The following RXFP1 variants were observed in gnomAD, a reference collection of about 807,000 sequenced individuals.
RXFP1 encodes relaxin family peptide receptor 1, also known as relaxin receptor 1.
In RXFP1, 73 loss-of-function variants were observed where a neutral mutation model predicts 89.8. That is an observed-to-expected ratio of 0.81 (90% confidence interval 0.67 to 0.99). The LOEUF (loss-of-function observed/expected upper bound fraction) is 0.99, where lower values mean the gene tolerates loss of function less well. RXFP1 is among the 50% of genes least tolerant of loss of function. The pLI, the probability that RXFP1 is intolerant of heterozygous loss-of-function variation, is 0.00. For missense variants in RXFP1, 793 were observed against 895.5 expected (o/e 0.89, Z 1.46); for synonymous variants, 277 against 305.5 (o/e 0.91, Z 0.97).
intron 14 of RXFP1, among the ~76,000 whole-genome samples, chr4:158,642,417 A>G (rs1054708523): frequency 5.3e-5 from 8 of 152,092 alleles, no homozygotes; most frequent in Non-Finnish European, 1.0e-4. Context: ...GTAACTTTGA[A>G]TTCTTTAATA....
At chr4:158,583,265 G>A (rs549924771) in intron 2 of RXFP1, among the ~76,000 whole-genome samples, 19 of 152,320 alleles carry the variant, frequency 1.2e-4, no homozygotes, top group African/African-American at 3.8e-4. Context: ...AATTGGTCCT[G>A]TGTTTAAAAT....
chr4:158,550,266 A>G (rs1159063350), intron 1 of RXFP1, among the ~76,000 whole-genome samples: 1 of 152,220 alleles, frequency 6.6e-6, no homozygotes, highest in African/African-American at 2.4e-5. Flanking sequence ...GTGGGATATA[A>G]TCTCCTGGTG....
In RXFP1 at chr4:158,625,044, C is replaced by T. The variant is rs570978550; in HGVS notation, c.756-1776C>T. Among the ~76,000 whole-genome samples, 21 of 149,660 alleles carry T rather than the reference C, an allele frequency of 1.4e-4. 1 individual carries two copies. Among genetic ancestry groups the T allele is most frequent in the Middle Eastern group, 3.4e-3 (1 of 294 alleles). On this transcript the variant is annotated intron_variant, in intron 9 of 17. Coordinates refer to ENST00000307765, the MANE Select transcript of RXFP1 (RefSeq NM_021634.4). ...GTAAGTAACTAAATAGGAACATCAA[C>T]TCACCTCATTAAGCGCATTTTGTGA...
At chr4:158,594,240 C>G (rs1314367313) in intron 3 of RXFP1, among the ~76,000 whole-genome samples, 2 of 152,172 alleles carry the variant, frequency 1.3e-5, no homozygotes, top group Non-Finnish European at 2.9e-5. Flanking sequence ...GAAACTTTCT[C>G]CCATGTATCT....
chr4:158,630,999 G>GTGTT (rs1481503214), intron 11 of RXFP1, among the ~76,000 whole-genome samples: 1 of 152,172 alleles, frequency 6.6e-6, no homozygotes, highest in Non-Finnish European at 1.5e-5. Context: ...AGTTTACAAG[G>GTGTT]TGTTTCCTGA....
At chr4:158,580,968 T>TTA (rs1369839044) in intron 2 of RXFP1, among the ~76,000 whole-genome samples, 2 of 152,220 alleles carry the variant, frequency 1.3e-5, no homozygotes, top group East Asian at 3.9e-4. Flanking sequence ...TGGCTAATTT[T>TTA]TAATAGAGAC....
At chr4:158,623,076 A>G (rs1765936034) in intron 9 of RXFP1, among the ~76,000 whole-genome samples, 1 of 152,216 alleles carries the variant, frequency 6.6e-6, no homozygotes, top group African/African-American at 2.4e-5. Context: ...AAACAACACA[A>G]TGACATTTTA....
At chr4:158,612,076 A>G in intron 6 of RXFP1, 54 bp from the exon 7 acceptor site, 1 of 1,385,702 alleles carries the variant, frequency 7.2e-7, no homozygotes, top group Non-Finnish European at 1.0e-6. Context: ...TACTTTTCTT[A>G]TTGTAAGACA....
At chr4:158,633,259 C>A in intron 11 of RXFP1, 146 bp from the exon 12 acceptor site, 1 of 556,000 alleles carries the variant, frequency 1.8e-6, no homozygotes, top group Non-Finnish European at 3.2e-6. Context: ...AACTTTGCTC[C>A]TTTTTTAAAT....
intron 2 of RXFP1, among the ~76,000 whole-genome samples, chr4:158,591,843 T>G (rs1759542842): frequency 6.6e-6 from 1 of 152,192 alleles, no homozygotes; most frequent in African/African-American, 2.4e-5. Context: ...AACTTCACTC[T>G]CTGTTCATAT....
At chr4:158,617,419 CA>C (rs201739625) in intron 9 of RXFP1, among the ~76,000 whole-genome samples, 1 of 142,978 alleles carries the variant, frequency 7.0e-6, no homozygotes, top group South Asian at 2.2e-4. Flanking sequence ...TAAAACATCT[CA>C]AAAAAAATAT....
rs558197373 is a variant in RXFP1 at position 158,594,354 on chromosome 4, T to C, written c.286+855T>C. Among the ~76,000 whole-genome samples the C allele has an allele frequency of 3.8e-4, 58 of 152,324 alleles. No homozygotes were observed. The Middle Eastern group carries it at 0.014, about 36-fold the overall frequency. On this transcript the variant is annotated intron_variant, in intron 3 of 17. Transcript: ENST00000307765. ...GCCGCGTCCTCAGCCCTACCCTCAT[T>C]ACTCTATGAGCTTACTCTGTGTTAT...
intron 1 of RXFP1, among the ~76,000 whole-genome samples, chr4:158,564,236 C>T (rs1040631888): frequency 8.5e-5 from 13 of 152,136 alleles, no homozygotes; most frequent in African/African-American, 2.2e-4. Context: ...ACCCCATATC[C>T]TGACAGTTCC....
chr4:158,645,846 A>G (rs1470901772), intron 15 of RXFP1, among the ~76,000 whole-genome samples: 2 of 152,122 alleles, frequency 1.3e-5, no homozygotes, highest in African/African-American at 4.8e-5. Flanking sequence ...ATCCTTATTC[A>G]AAGTCTAATG....
intron 6 of RXFP1, among the ~76,000 whole-genome samples, chr4:158,610,197 G>A (rs1353136376): frequency 5.9e-5 from 9 of 152,068 alleles, no homozygotes; most frequent in Non-Finnish European, 1.2e-4. Context: ...CCTGGGGGGC[G>A]GAGGTTGCAG....
At chr4:158,549,511 G>T in intron 1 of RXFP1, among the ~76,000 whole-genome samples, 1 of 152,160 alleles carries the variant, frequency 6.6e-6, no homozygotes, top group Non-Finnish European at 1.5e-5. Flanking sequence ...CGTTCCTTTG[G>T]AGGAGGAGAG....
intron 1 of RXFP1, among the ~76,000 whole-genome samples, chr4:158,569,634 G>T (rs372539352): frequency 6.6e-6 from 1 of 152,150 alleles, no homozygotes; most frequent in Non-Finnish European, 1.5e-5. Flanking sequence ...AGAATAGGAT[G>T]GTTATGTGAA....
At chr4:158,639,170 T>C in intron 13 of RXFP1, 90 bp from the exon 14 acceptor site, 1 of 733,342 alleles carries the variant, frequency 1.4e-6, no homozygotes, top group Non-Finnish European at 2.3e-6. Flanking sequence ...ACTAAAAGCA[T>C]TTTATTAAAT....
At chr4:158,542,186 C>T (rs760814578) in intron 1 of RXFP1, among the ~76,000 whole-genome samples, 4 of 148,386 alleles carry the variant, frequency 2.7e-5, no homozygotes, top group Middle Eastern at 3.5e-3. Flanking sequence ...GATTTGCCTG[C>T]CTCGGCCTCC....
Sources: allele counts gnomAD v4.1 joint callset (sites outside exome capture counted in the v4.1 genomes callset), GRCh38; gene constraint gnomAD v4.1.1; transcripts MANE v1.5; gene names NCBI Gene and HGNC (gene_info 2026-07-23, HGNC 2026-07-21).